Variants in VWA8 observed in about 807,000 individuals in gnomAD.
VWA8 encodes the protein von Willebrand factor A domain-containing protein 8.
Under a neutral mutation model 241.5 loss-of-function variants are expected in VWA8, and 221 were observed. That is an observed-to-expected ratio of 0.91 (90% confidence interval 0.82 to 1.02). The LOEUF (loss-of-function observed/expected upper bound fraction) is 1.02, where lower values mean the gene tolerates loss of function less well. VWA8 is among the 50% of genes least tolerant of loss of function. The probability of loss-of-function intolerance (pLI) is 0.00; values close to 1 mark genes in which losing one functional copy is unlikely to be tolerated. For synonymous variants in VWA8, 852 were observed against 827.1 expected, an observed-to-expected ratio of 1.03 and a Z score of -0.52; for missense variants, 2,322 against 2,328.7, an observed-to-expected ratio of 1.00 and a Z score of 0.06.
At chr13:41,845,578 A>G (rs145728526) in intron 12 of VWA8, among the ~76,000 whole-genome samples, 81 of 152,228 alleles carry the variant, frequency 5.3e-4, no homozygotes, top group Admixed American at 2.6e-3. Context: ...ATGCACATCA[A>G]TGGTGAATTG....
chr13:41,661,128 T>G (rs772043911), intron 37 of VWA8, among the ~76,000 whole-genome samples: 1 of 152,176 alleles, frequency 6.6e-6, no homozygotes, highest in African/African-American at 2.4e-5. Flanking sequence ...CTTCCCAAAG[T>G]GCTGGGATTA....
At chr13:41,896,535 C>A (rs1302556895) in intron 4 of VWA8, among the ~76,000 whole-genome samples, 1 of 151,922 alleles carries the variant, frequency 6.6e-6, no homozygotes, top group African/African-American at 2.4e-5. Context: ...AGACTGAAAA[C>A]TTGGAAGATG....
intron 12 of VWA8, among the ~76,000 whole-genome samples, chr13:41,858,619 AAAAG>A (rs1290325037): frequency 1.3e-5 from 2 of 152,128 alleles, no homozygotes; most frequent in South Asian, 2.1e-4. Flanking sequence ...CTCAAAAAAA[AAAAG>A]AGAGAGAGAA....
intron 43 of VWA8, among the ~76,000 whole-genome samples, chr13:41,572,360 A>AG (rs568148505): frequency 6.6e-6 from 1 of 152,240 alleles, no homozygotes; most frequent in Non-Finnish European, 1.5e-5. Flanking sequence ...CGAATAGAAA[A>AG]GGGGGAAATG....
intron 38 of VWA8, among the ~76,000 whole-genome samples, chr13:41,614,542 C>A (rs945352058): frequency 6.6e-6 from 1 of 152,138 alleles, no homozygotes; most frequent in Admixed American, 6.5e-5. Context: ...CAGTCAGTTG[C>A]TGAAGAAAGA....
intron 21 of VWA8, among the ~76,000 whole-genome samples, chr13:41,759,674 T>C (rs2045725837): frequency 6.6e-6 from 1 of 151,808 alleles, no homozygotes; most frequent in African/African-American, 2.4e-5. Flanking sequence ...TGTTTTATAG[T>C]CCTTGTCTGC....
At chr13:41,854,978 G>A (rs1041796499) in intron 12 of VWA8, among the ~76,000 whole-genome samples, 5 of 152,124 alleles carry the variant, frequency 3.3e-5, no homozygotes, top group African/African-American at 1.2e-4. Flanking sequence ...GAGTTATAAG[G>A]TAAATGTTAG....
chr13:41,727,562 T>C (rs2137858449), intron 23 of VWA8, among the ~76,000 whole-genome samples: 1 of 151,940 alleles, frequency 6.6e-6, no homozygotes, highest in African/African-American at 2.4e-5. Context: ...AGAGTACATC[T>C]AAAAAAAAGC....
intron 2 of VWA8, among the ~76,000 whole-genome samples, chr13:41,932,378 C>T (rs569347856): frequency 2.0e-5 from 3 of 152,122 alleles, no homozygotes; most frequent in African/African-American, 4.8e-5. Context: ...TTCTACCAAA[C>T]ATTTAAGAAA....
intron 43 of VWA8, among the ~76,000 whole-genome samples, chr13:41,571,070 T>A (rs900309671): frequency 3.9e-5 from 6 of 152,176 alleles, no homozygotes; most frequent in Non-Finnish European, 7.4e-5. Context: ...GAGTTGAGTT[T>A]CCAATAAACA....
intron 37 of VWA8, among the ~76,000 whole-genome samples, chr13:41,624,900 T>G (rs573760228): frequency 1.3e-5 from 2 of 152,334 alleles, no homozygotes; most frequent in East Asian, 3.9e-4. Context: ...TCCAATGATA[T>G]GATTCTATAC....
chr13:41,919,323 C>T (rs1241606185), intron 2 of VWA8, among the ~76,000 whole-genome samples: 1 of 152,194 alleles, frequency 6.6e-6, no homozygotes, highest in Non-Finnish European at 1.5e-5. Flanking sequence ...TACCTGCAGT[C>T]TTTGCTACCA....
chr13:41,576,400 C>T (rs11842339), intron 42 of VWA8, among the ~76,000 whole-genome samples: 33 of 152,324 alleles, frequency 2.2e-4, no homozygotes, highest in African/African-American at 7.9e-4. Context: ...TGCATTTTTC[C>T]CCCTCAACAA....
intron 26 of VWA8, among the ~76,000 whole-genome samples, chr13:41,713,198 A>G (rs943454735): frequency 1.3e-5 from 2 of 152,242 alleles, no homozygotes; most frequent in African/African-American, 2.4e-5. Context: ...TAAAATTTTC[A>G]TTTAAATAAG....
chr13:41,636,766 A>C (rs547324713), intron 37 of VWA8, among the ~76,000 whole-genome samples: 1 of 152,370 alleles, frequency 6.6e-6, no homozygotes, highest in Admixed American at 6.5e-5. Flanking sequence ...ATATGAACAG[A>C]CACTTTTCAG....
At chr13:41,719,876 T>A in intron 25 of VWA8, 134 bp from the exon 26 acceptor site, 1 of 815,060 alleles carries the variant, frequency 1.2e-6, no homozygotes, top group Non-Finnish European at 1.8e-6. Context: ...AATAAGCAGG[T>A]AGTAGGAATG....
intron 20 of VWA8, among the ~76,000 whole-genome samples, chr13:41,773,888 G>GCAC: frequency 6.6e-6 from 1 of 152,270 alleles, no homozygotes; most frequent in Middle Eastern, 3.4e-3. Flanking sequence ...AATGCTGCCA[G>GCAC]TCTCTGATCC....
chr13:41,907,702 G>T lies in VWA8; in HGVS notation c.373-6C>A. The T allele has an allele frequency of 6.2e-7, 1 of 1,610,018 alleles. No homozygotes were observed. The highest frequency in any genetic ancestry group is 8.5e-7 in the Non-Finnish European group (1 of 1,176,526). ...ACCTCCCGTTTGGTCAGCTCCTGTA[G>T]AGAAGAGAATGAAATTATTCCAAAA... On this transcript the variant is annotated splice_polypyrimidine_tract_variant and splice_region_variant and intron_variant, in intron 3 of 44. Transcript: ENST00000379310.
At chr13:41,649,291 A>T (rs1463543330) in intron 37 of VWA8, among the ~76,000 whole-genome samples, 1 of 152,224 alleles carries the variant, frequency 6.6e-6, no homozygotes, top group African/African-American at 2.4e-5. Flanking sequence ...GAATTATGAG[A>T]TATCAGTTAG....
Sources: allele counts gnomAD v4.1 joint callset (sites outside exome capture counted in the v4.1 genomes callset), GRCh38; gene constraint gnomAD v4.1.1; transcripts MANE v1.5; gene names NCBI Gene and HGNC (gene_info 2026-07-23, HGNC 2026-07-21).